The following ZNF451 variants were observed in gnomAD, a reference collection of about 807,000 sequenced individuals.
ZNF451 encodes the protein zinc finger protein 451.
A neutral mutation model predicts 107.1 loss-of-function variants in ZNF451; 80 were observed. That is an observed-to-expected ratio of 0.75 (90% CI 0.62 to 0.90). ZNF451 has a LOEUF of 0.90. ZNF451 is among the 40% of genes least tolerant of loss of function. The pLI, the probability that ZNF451 is intolerant of heterozygous loss-of-function variation, is 0.00. For synonymous variants in ZNF451, 362 were observed against 406.5 expected (o/e 0.89, Z 1.32); for missense variants, 1,107 against 1,236.2 (o/e 0.90, Z 1.57).
rs776317444 is a variant in ZNF451 at position 57,147,721 on chromosome 6, A to C, written c.1636A>C (p.Ile546Leu). 33 of 1,613,872 alleles carry C rather than the reference A, an allele frequency of 2.0e-5. No homozygotes were observed. Among genetic ancestry groups the C allele is most frequent in the Non-Finnish European group, 2.6e-5 (31 of 1,179,984 alleles). ...AAAGGAGTTAACAAGGAAAGATACT[A>C]TCATGGCACATGTGACTGAATTTCA... The part of the protein sequence containing the change: ...CKKELTRKDT[I>L]MAHVTEFHNG... Residue 546 changes from isoleucine to leucine, a missense_variant, in exon 10 of 15, where the codon ATC becomes CTC. By Grantham distance (5) the Ile-to-Leu change is conservative (BLOSUM62 2). Transcript: ENST00000370706.
At position 57,147,780 on chromosome 6, in the gene ZNF451, G is replaced by T; in HGVS notation, c.1695G>T (p.Glu565Asp). 6.2e-7 allele frequency: 1 copy of T among 1,613,834 alleles called. No homozygotes were observed. The highest frequency in any genetic ancestry group is 8.5e-7 in the Non-Finnish European group (1 of 1,179,968). The change falls in exon 10 of 15, where the codon GAG becomes GAT. Residue 565 changes from glutamate to aspartate, a missense_variant. This residue lies in a region of ZNF451 where 608 missense variants were observed against 649.2 expected (regional missense o/e 0.94). Coordinates refer to ENST00000370706, the MANE Select transcript of ZNF451 (RefSeq NM_001031623.3). ...ACAGATATTTTTATGAGATGGATGA[G>T]GTAGAAGGTGAAACTTTGCCATCAT... ...NGHRYFYEMD[E>D]VEGETLPSSS... is the part of the protein sequence containing the mutation.
rs540008778 is a variant in ZNF451 at position 57,140,451 on chromosome 6, A to T, written c.703-851A>T. ...CAAAAATGAAAAAAATCTGTAATAT[A>T]TATTACTGCCAGGCTCATTCAGTAC... is the stretch of plus-strand genomic sequence containing the variant. On this transcript the variant is annotated intron_variant, in intron 7 of 14. Transcript: ENST00000370706. Among the ~76,000 whole-genome samples the T allele has an allele frequency of 4.2e-4, 64 of 152,224 alleles. No individual in the cohort carries two copies. In the South Asian group the frequency reaches 8.9e-3, roughly 21 times the overall value.
intron 9 of ZNF451, among the ~76,000 whole-genome samples, chr6:57,146,675 G>A (rs1743884594): frequency 1.3e-5 from 2 of 152,170 alleles, no homozygotes; most frequent in South Asian, 4.2e-4. Flanking sequence ...TAGCCTTATA[G>A]TATCAACATT....
chr6:57,144,363 C>T (rs1049347622), intron 9 of ZNF451, among the ~76,000 whole-genome samples: 24 of 151,218 alleles, frequency 1.6e-4, no homozygotes, highest in African/African-American at 5.8e-4. Context: ...GCCTCAGCCT[C>T]CCAAGTACCT....
intron 3 of ZNF451, chr6:57,109,712 TAAAATA>T: frequency 2.1e-6 from 2 of 959,790 alleles, no homozygotes; most frequent in Non-Finnish European, 2.5e-6. Context: ...ATATTTAAAG[TAAAATA>T]GTCTCTTTTC....
At chr6:57,132,965 T>G in intron 5 of ZNF451, 77 bp from the exon 6 acceptor site, 1 of 1,464,966 alleles carries the variant, frequency 6.8e-7, no homozygotes, top group Non-Finnish European at 9.4e-7. Context: ...TTCATTGTTT[T>G]GTCCTAATTT....
chr6:57,109,624 G>A, intron 3 of ZNF451: 1 of 985,338 alleles, frequency 1.0e-6, no homozygotes, highest in Non-Finnish European at 1.2e-6. Context: ...TTCATTTCAT[G>A]CCATGTGATC....
chr6:57,138,727 A>ATG (rs1253099714), intron 7 of ZNF451, among the ~76,000 whole-genome samples: 153 of 114,332 alleles, frequency 1.3e-3, no homozygotes, highest in Non-Finnish European at 2.3e-3. Context: ...ATATATATAT[A>ATG]TATATATATA....
At chr6:57,153,519 C>T (rs915181446) in intron 12 of ZNF451, among the ~76,000 whole-genome samples, 6 of 151,806 alleles carry the variant, frequency 4.0e-5, no homozygotes, top group Non-Finnish European at 8.8e-5. Context: ...ATTCTCCAGC[C>T]TCAGCCTGGA....
intron 3 of ZNF451, among the ~76,000 whole-genome samples, chr6:57,114,099 A>G (rs764520772): frequency 1.6e-4 from 25 of 152,338 alleles, no homozygotes; most frequent in Middle Eastern, 3.4e-3. Flanking sequence ...TTACTTAAGT[A>G]GAAATTTAGC....
At chr6:57,108,125 C>T (rs1829953986) in intron 3 of ZNF451, 1 of 985,268 alleles carries the variant, frequency 1.0e-6, no homozygotes, top group Non-Finnish European at 1.2e-6. Flanking sequence ...AGGCGTGAGC[C>T]ACAGTGCCCG....
rs763420374 is a variant in ZNF451 at position 57,147,756 on chromosome 6, CAG to C, written c.1673_1674del (p.Arg558IlefsTer4). Reference sequence around the variant, plus strand: ...ATGTGACTGAATTTCATAATGGACACAGATATTTTTATGAGATGGATGAGGTA... The same window carrying C: ...ATGTGACTGAATTTCATAATGGACACATATTTTTATGAGATGGATGAGGTA... Reference protein sequence around the residue: ...AHVTEFHNGHRYFYEMDEVEG... With the variant: ...AHVTEFHNGHXYFYEMDEVEG... On this transcript the variant is annotated frameshift_variant, in exon 10 of 15. Transcript: ENST00000370706. LOFTEE classifies it high-confidence loss of function. 1 of 1,613,804 alleles carries C rather than the reference CAG, an allele frequency of 6.2e-7. No homozygotes were observed. The highest frequency in any genetic ancestry group is 8.5e-7 in the Non-Finnish European group (1 of 1,179,960).
At chr6:57,149,251 TC>T (rs1832234161) in intron 10 of ZNF451, among the ~76,000 whole-genome samples, 1 of 152,190 alleles carries the variant, frequency 6.6e-6, no homozygotes, top group Admixed American at 6.5e-5. Flanking sequence ...AAATATGAAT[TC>T]CTTGTTTGTA....
At chr6:57,148,869 A>G (rs761514845) in intron 10 of ZNF451, among the ~76,000 whole-genome samples, 176 bp downstream of exon 10, 8 of 152,140 alleles carry the variant, frequency 5.3e-5, no homozygotes, top group Non-Finnish European at 1.0e-4. Context: ...CCACTTTCTA[A>G]ACTTACGAGG....
intron 3 of ZNF451, chr6:57,102,607 A>G (rs1829660285): frequency 1.0e-6 from 1 of 986,250 alleles, no homozygotes; most frequent in Non-Finnish European, 1.2e-6. Context: ...AAATGTCTTT[A>G]TGTCAAGATG....
At chr6:57,124,444 C>A (rs775196272) in intron 3 of ZNF451, 3 of 716,542 alleles carry the variant, frequency 4.2e-6, no homozygotes, top group Non-Finnish European at 7.8e-6. Flanking sequence ...GGCGCTTTGC[C>A]TGATGACCCT....
intron 5 of ZNF451, among the ~76,000 whole-genome samples, chr6:57,132,675 T>G (rs1241079175): frequency 6.6e-6 from 1 of 151,988 alleles, no homozygotes; most frequent in Admixed American, 6.6e-5. Flanking sequence ...TTTTAGCTGT[T>G]GAGCTTAAAG....
At chr6:57,142,224 C>G in intron 9 of ZNF451, 129 bp downstream of exon 9, 1 of 1,079,614 alleles carries the variant, frequency 9.3e-7, no homozygotes, top group Non-Finnish European at 1.3e-6. Flanking sequence ...TGGAAATTAG[C>G]CAAATTTAAC....
intron 3 of ZNF451, chr6:57,107,814 A>G (rs1829936040): frequency 1.0e-6 from 1 of 983,762 alleles, no homozygotes; most frequent in Admixed American, 6.2e-5. Flanking sequence ...TGGTAACGTG[A>G]AAGTAAATAG....
Sources: gnomAD v4.1 joint callset for allele counts (sites outside exome capture counted in the v4.1 genomes callset) on GRCh38, gnomAD v4.1.1 for gene constraint, gnomAD v4.1.1 regional missense constraint, MANE v1.5 for transcripts, NCBI Gene and HGNC (gene_info 2026-07-23, HGNC 2026-07-21) for gene names.